Variants in ZC3H12B observed in about 807,000 individuals in gnomAD.
The protein encoded by ZC3H12B is probable ribonuclease ZC3H12B.
A neutral mutation model predicts 43.9 loss-of-function variants in ZC3H12B; 7 were observed. The ratio of observed to expected loss-of-function variants is 0.16; its 90% CI spans 0.09 to 0.30. The LOEUF (loss-of-function observed/expected upper bound fraction) is 0.30, where lower values mean the gene tolerates loss of function less well. ZC3H12B is among the 10% of genes least tolerant of loss of function. The pLI, the probability that ZC3H12B is intolerant of heterozygous loss-of-function variation, is 1.00. For missense variants in ZC3H12B, 475 were observed against 670.2 expected, an observed-to-expected ratio of 0.71 and a Z score of 3.22; for synonymous variants, 222 against 241.7, an observed-to-expected ratio of 0.92 and a Z score of 0.76.
the ZC3H12B span, among the ~76,000 whole-genome samples, chrX:65,225,454 A>C: frequency 2.7e-5 from 3 of 112,506 alleles, no homozygotes; most frequent in African/African-American, 9.7e-5. Context: ...TGGAAACTCT[A>C]AAAAGCAGAG....
chrX:65,402,125 A>C (rs1371511689), intron 3 of ZC3H12B, among the ~76,000 whole-genome samples: 1 of 111,742 alleles, frequency 8.9e-6, no homozygotes, highest in African/African-American at 3.3e-5. Context: ...GCATTCACCA[A>C]AAGCTGATGT....
intron 3 of ZC3H12B, among the ~76,000 whole-genome samples, chrX:65,461,117 A>C (rs919324829): frequency 8.9e-6 from 1 of 112,495 alleles, no homozygotes; most frequent in African/African-American, 3.2e-5. Context: ...GCTCATCATC[A>C]CTGGCCAACA....
the ZC3H12B span, among the ~76,000 whole-genome samples, chrX:65,222,488 A>G: frequency 9.1e-6 from 1 of 110,280 alleles, no homozygotes; most frequent in Non-Finnish European, 1.9e-5. Context: ...AAATGAATTC[A>G]GCAAAGTTTT....
the ZC3H12B span, among the ~76,000 whole-genome samples, chrX:65,255,675 C>T: frequency 6.2e-5 from 7 of 112,091 alleles, no homozygotes; most frequent in African/African-American, 2.3e-4. Flanking sequence ...GAATCACACC[C>T]ATACCTGTCA....
the ZC3H12B span, among the ~76,000 whole-genome samples, chrX:65,137,426 T>C: frequency 8.9e-6 from 1 of 112,087 alleles, no homozygotes; most frequent in Admixed American, 9.4e-5. Context: ...CTTGATACTG[T>C]TTTGAATAGT....
rs2038283 is a variant in ZC3H12B at position 65,503,622 on chromosome X, A to C, written c.*413A>C. On this transcript the variant is annotated 3_prime_UTR_variant, in exon 5 of 5. Transcript: ENST00000338957. ...TTTTCGTTTCTTTCTTTCTTTCTTTATTTTTTTTTTTTGAGACAGAATCTC... is the reference window on the plus strand; with the variant it reads ...TTTTCGTTTCTTTCTTTCTTTCTTTCTTTTTTTTTTTTGAGACAGAATCTC... 574 of 104,944 alleles carry C rather than the reference A, an allele frequency of 5.5e-3. 15 individuals carry two copies. The highest frequency in any genetic ancestry group is 4.9e-3 in the Non-Finnish European group (255 of 51,657). 8.6% of individuals were successfully genotyped at this position (104,944 alleles called of 1,213,427 possible). A position where few individuals can be genotyped will look rare whatever the true frequency, so the allele number is the denominator to read the frequency against.
the ZC3H12B span, among the ~76,000 whole-genome samples, chrX:65,270,059 T>C: frequency 9.1e-6 from 1 of 110,259 alleles, no homozygotes; most frequent in Admixed American, 9.6e-5. Context: ...ACCATAAAAA[T>C]CCCTGAATAA....
the ZC3H12B span, among the ~76,000 whole-genome samples, chrX:65,195,148 C>G: frequency 1.8e-5 from 2 of 108,159 alleles, no homozygotes; most frequent in Non-Finnish European, 3.8e-5. Context: ...AGAGTTTAAT[C>G]AAGTTCCATT....
At chrX:65,310,518 C>T in the ZC3H12B span, among the ~76,000 whole-genome samples, 2 of 112,006 alleles carry the variant, frequency 1.8e-5, no homozygotes, top group African/African-American at 3.2e-5. Flanking sequence ...AATGGAAGAA[C>T]ATTCTATGCT....
At chrX:65,459,313 C>T (rs372919581) in intron 3 of ZC3H12B, among the ~76,000 whole-genome samples, 61 of 110,733 alleles carry the variant, frequency 5.5e-4, no homozygotes, top group Non-Finnish European at 9.1e-4. Flanking sequence ...TCTGGAACTA[C>T]TCCAATCAAT....
chrX:65,305,434 G>T, the ZC3H12B span, among the ~76,000 whole-genome samples: 1 of 111,935 alleles, frequency 8.9e-6, no homozygotes, highest in Admixed American at 9.5e-5. Context: ...GTTGGAATCA[G>T]ACTCATTAAG....
intron 2 of ZC3H12B, among the ~76,000 whole-genome samples, chrX:65,380,976 G>C (rs1342138869): frequency 1.8e-5 from 2 of 111,300 alleles, no homozygotes; most frequent in African/African-American, 3.3e-5. Flanking sequence ...GACCTGCAAA[G>C]AGACTTAGAC....
At chrX:65,332,894 C>T in the ZC3H12B span, among the ~76,000 whole-genome samples, 3 of 112,165 alleles carry the variant, frequency 2.7e-5, no homozygotes, top group Non-Finnish European at 3.8e-5. Context: ...ACCAATTTGG[C>T]TTATGATACT....
the ZC3H12B span, among the ~76,000 whole-genome samples, chrX:65,049,347 A>G: frequency 6.3e-5 from 7 of 111,412 alleles, no homozygotes; most frequent in African/African-American, 2.3e-4. Flanking sequence ...TGATTTTTGT[A>G]TATTGTATAA....
chrX:65,285,409 C>T, the ZC3H12B span, among the ~76,000 whole-genome samples: 8 of 110,492 alleles, frequency 7.2e-5, no homozygotes, highest in Admixed American at 1.9e-4. Flanking sequence ...TTCCCCACAC[C>T]ATATGATAAT....
the ZC3H12B span, among the ~76,000 whole-genome samples, chrX:65,126,773 G>A: frequency 9.8e-6 from 1 of 102,132 alleles, no homozygotes; most frequent in Admixed American, 1.1e-4. Context: ...TCTTCTGCTT[G>A]TTCAATTCTA....
chrX:65,499,861 C>T, intron 3 of ZC3H12B, 22 bp from the exon 9 acceptor site: 1 of 1,168,400 alleles, frequency 8.6e-7, no homozygotes, highest in Non-Finnish European at 1.2e-6. Flanking sequence ...AAGACAGTCA[C>T]CTCTTGCTTA....
At chrX:65,426,186 T>C (rs1314404097) in intron 3 of ZC3H12B, among the ~76,000 whole-genome samples, 1 of 108,424 alleles carries the variant, frequency 9.2e-6, no homozygotes, top group Non-Finnish European at 1.9e-5. Context: ...GGTTCAGTCT[T>C]GAGAGGCTGT....
the ZC3H12B span, chrX:65,272,918 T>C: frequency 8.9e-6 from 1 of 112,285 alleles, no homozygotes; most frequent in Admixed American, 9.4e-5. Context: ...CTTAACATTT[T>C]AGAAGAAATT....
Sources: gnomAD v4.1 joint callset for allele counts (sites outside exome capture counted in the v4.1 genomes callset) on GRCh38, gnomAD v4.1.1 for gene constraint, MANE v1.5 for transcripts, NCBI Gene and HGNC (gene_info 2026-07-23, HGNC 2026-07-21) for gene names.